Variants in PLXDC2 observed in about 807,000 individuals in gnomAD.
The protein encoded by PLXDC2 is plexin domain-containing protein 2.
PLXDC2 carries 40 observed loss-of-function variants against 68.9 expected under a neutral mutation model. That is an observed-to-expected ratio of 0.58 (90% CI 0.45 to 0.76). The LOEUF (loss-of-function observed/expected upper bound fraction) is 0.76, where lower values mean the gene tolerates loss of function less well. Among genes scored for constraint, PLXDC2 ranks in the 30% least tolerant of loss-of-function variants. PLXDC2 has a pLI of 0.00. For synonymous variants in PLXDC2, 243 were observed against 234.2 expected, an observed-to-expected ratio of 1.04 and a Z score of -0.34; for missense variants, 644 against 661.9, an observed-to-expected ratio of 0.97 and a Z score of 0.30.
At chr10:20,041,768 C>T (rs961743496) in intron 2 of PLXDC2, among the ~76,000 whole-genome samples, 2 of 152,050 alleles carry the variant, frequency 1.3e-5, no homozygotes, top group African/African-American at 4.8e-5. Context: ...ATCAAAGTGC[C>T]AGCTGTTTGG....
intron 7 of PLXDC2, among the ~76,000 whole-genome samples, chr10:20,176,444 C>A (rs901638889): frequency 6.6e-6 from 1 of 150,550 alleles, no homozygotes; most frequent in Admixed American, 6.6e-5. Context: ...AAAATCTATT[C>A]TTTTATTGAA....
intron 3 of PLXDC2, among the ~76,000 whole-genome samples, chr10:20,064,526 C>T (rs1836167263): frequency 6.6e-6 from 1 of 152,016 alleles, no homozygotes; most frequent in South Asian, 2.1e-4. Context: ...TGACAATGCC[C>T]AGGGTTCTGT....
intron 9 of PLXDC2, among the ~76,000 whole-genome samples, chr10:20,185,953 G>C (rs1045028335): frequency 2.0e-5 from 3 of 151,942 alleles, no homozygotes; most frequent in Admixed American, 6.6e-5. Flanking sequence ...ACAAACTTTT[G>C]TTGATCCAGG....
chr10:19,950,390 A>AAG (rs1197186458), intron 1 of PLXDC2, among the ~76,000 whole-genome samples: 1 of 152,204 alleles, frequency 6.6e-6, no homozygotes, highest in Non-Finnish European at 1.5e-5. Context: ...GAGCCAAATC[A>AAG]AGAACAAAAT....
intron 1 of PLXDC2, among the ~76,000 whole-genome samples, chr10:19,862,918 T>C (rs976377006): frequency 1.3e-5 from 2 of 152,208 alleles, no homozygotes; most frequent in Non-Finnish European, 2.9e-5. Flanking sequence ...AAATCTGCTC[T>C]GAGGAATAGC....
chr10:20,223,312 A>ATTTTT (rs58086408), intron 12 of PLXDC2, among the ~76,000 whole-genome samples: 9 of 131,172 alleles, frequency 6.9e-5, no homozygotes, highest in African/African-American at 1.4e-4. Flanking sequence ...ACAGAATTGA[A>ATTTTT]TTTTTTTTTT....
Position 19,913,859 on chromosome 10 carries a change from T to C in PLXDC2, c.113-87916T>C, listed in dbSNP as rs1833318068. Among the ~76,000 whole-genome samples, 3 of 152,298 alleles carry C rather than the reference T, an allele frequency of 2.0e-5. No homozygotes were observed. In the South Asian group the frequency reaches 6.2e-4, roughly 32 times the overall value. ...ACCATTTACTGTGGAAATAGAAAAGTTAATTTCAACTACAGCTTTTTATTT... is the reference window on the plus strand; with the variant it reads ...ACCATTTACTGTGGAAATAGAAAAGCTAATTTCAACTACAGCTTTTTATTT... On this transcript the variant is annotated intron_variant, in intron 1 of 13. Transcript: ENST00000377252.
chr10:19,935,087 C>G (rs931249382), intron 1 of PLXDC2, among the ~76,000 whole-genome samples: 2 of 152,176 alleles, frequency 1.3e-5, no homozygotes, highest in African/African-American at 4.8e-5. Flanking sequence ...CTCATCAAAT[C>G]ATTGATCATT....
At chr10:19,978,359 C>T (rs1298242799) in intron 1 of PLXDC2, among the ~76,000 whole-genome samples, 3 of 151,980 alleles carry the variant, frequency 2.0e-5, no homozygotes, top group Non-Finnish European at 4.4e-5. Context: ...GGATTTTTTT[C>T]TTACTTTTTT....
intron 9 of PLXDC2, among the ~76,000 whole-genome samples, chr10:20,189,337 C>T (rs1834728708): frequency 6.6e-6 from 1 of 150,410 alleles, no homozygotes; most frequent in South Asian, 2.1e-4. Context: ...GAATTGGAAA[C>T]TGGCATAAAG....
At chr10:19,884,878 T>C (rs1480467485) in intron 1 of PLXDC2, among the ~76,000 whole-genome samples, 4 of 152,236 alleles carry the variant, frequency 2.6e-5, no homozygotes, top group Non-Finnish European at 4.4e-5. Flanking sequence ...AGTAATGGGA[T>C]GGCTGGGTCA....
intron 4 of PLXDC2, among the ~76,000 whole-genome samples, chr10:20,138,135 G>A (rs1223411632): frequency 1.3e-5 from 2 of 152,168 alleles, no homozygotes; most frequent in Non-Finnish European, 2.9e-5. Context: ...TTATTTAGAA[G>A]TTTGGTGAGG....
Position 19,862,343 on chromosome 10 carries a change from T to C in PLXDC2, c.112+45152T>C, listed in dbSNP as rs184195810. ...GTAAAATGTGATGGAATTAGTCCCA[T>C]TGAACCAAGGAGTAACAATTTTATG... On this transcript the variant is annotated intron_variant, in intron 1 of 13. Coordinates refer to ENST00000377252, the MANE Select transcript of PLXDC2 (RefSeq NM_032812.9). Among the ~76,000 whole-genome samples the C allele has an allele frequency of 3.9e-5, 6 of 152,310 alleles. No individual in the cohort carries two copies. In the South Asian group the frequency reaches 6.2e-4, roughly 16 times the overall value.
At chr10:19,975,756 G>T (rs537592190) in intron 1 of PLXDC2, among the ~76,000 whole-genome samples, 1 of 152,046 alleles carries the variant, frequency 6.6e-6, no homozygotes, top group African/African-American at 2.4e-5. Context: ...TCCTGGAAAA[G>T]AATATTTTGG....
chr10:20,238,677 G>GTGTATATATATATATATATATA (rs1554777563), intron 12 of PLXDC2, among the ~76,000 whole-genome samples: 7 of 76,902 alleles, frequency 9.1e-5, no homozygotes, highest in African/African-American at 2.8e-4. Flanking sequence ...ATATATATAT[G>GTGTATATATATATATATATATA]TATATATATA....
intron 1 of PLXDC2, among the ~76,000 whole-genome samples, chr10:19,844,519 T>C (rs974239834): frequency 1.3e-5 from 2 of 152,180 alleles, no homozygotes; most frequent in Non-Finnish European, 2.9e-5. Flanking sequence ...GATTTTCTAA[T>C]GCGATGTTGA....
At chr10:20,219,654 G>A (rs1404058328) in intron 12 of PLXDC2, among the ~76,000 whole-genome samples, 1 of 152,016 alleles carries the variant, frequency 6.6e-6, no homozygotes, top group South Asian at 2.1e-4. Context: ...AGGGAAAAAA[G>A]TTTTACTGAA....
At chr10:20,162,225 G>A (rs551117640) in intron 6 of PLXDC2, among the ~76,000 whole-genome samples, 1 of 152,254 alleles carries the variant, frequency 6.6e-6, no homozygotes, top group African/African-American at 2.4e-5. Context: ...GGAGAGTGGA[G>A]AATGCATCTG....
At chr10:19,925,775 C>G (rs536104416) in intron 1 of PLXDC2, among the ~76,000 whole-genome samples, 14 of 152,278 alleles carry the variant, frequency 9.2e-5, no homozygotes, top group African/African-American at 3.4e-4. Context: ...CCAAGGCGGG[C>G]TTTTATCAGC....
Sources: gnomAD v4.1 joint callset for allele counts (sites outside exome capture counted in the v4.1 genomes callset) on GRCh38, gnomAD v4.1.1 for gene constraint, MANE v1.5 for transcripts, NCBI Gene and HGNC (gene_info 2026-07-23, HGNC 2026-07-21) for gene names.